Variants in STYXL1 observed in about 807,000 individuals in gnomAD.
The protein encoded by STYXL1 is serine/threonine/tyrosine-interacting-like protein 1.
Under a neutral mutation model 36.4 loss-of-function variants are expected in STYXL1, and 32 were observed. That is an observed-to-expected ratio of 0.88 (90% CI 0.66 to 1.18). The LOEUF (loss-of-function observed/expected upper bound fraction) is 1.18, where lower values mean the gene tolerates loss of function less well. Among genes scored for constraint, STYXL1 ranks in the 50% most tolerant of loss-of-function variants. The pLI is 0.00. For synonymous variants in STYXL1, 133 were observed against 144.1 expected, an observed-to-expected ratio of 0.92 and a Z score of 0.55; for missense variants, 354 against 394.1, an observed-to-expected ratio of 0.90 and a Z score of 0.86.
chr7:76,002,426 T>C, intron 7 of STYXL1, among the ~76,000 whole-genome samples: 1 of 152,150 alleles, frequency 6.6e-6, no homozygotes, highest in South Asian at 2.1e-4. Flanking sequence ...GACGCAGAGA[T>C]GACGATGGCC....
At chr7:76,027,588 G>A (rs1328523990) in intron 3 of STYXL1, among the ~76,000 whole-genome samples, 2 of 151,650 alleles carry the variant, frequency 1.3e-5, no homozygotes, top group African/African-American at 4.8e-5. Context: ...ACCCCTGCCC[G>A]GGTGACAGAG....
At chr7:76,038,648 G>A (rs772217653) in intron 1 of STYXL1, among the ~76,000 whole-genome samples, 1 of 151,676 alleles carries the variant, frequency 6.6e-6, no homozygotes, top group Non-Finnish European at 1.5e-5. Flanking sequence ...GGATGGTCTC[G>A]ATCTCCTGAC....
chr7:76,014,039 TGC>T, intron 4 of STYXL1, 152 bp from the exon 5 acceptor site: 1 of 726,726 alleles, frequency 1.4e-6, no homozygotes, highest in Non-Finnish European at 2.0e-6. Flanking sequence ...AGTGCAGTGG[TGC>T]GATCTCGGCT....
intron 7 of STYXL1, among the ~76,000 whole-genome samples, chr7:76,001,571 G>A (rs983546029): frequency 5.9e-5 from 9 of 152,030 alleles, no homozygotes; most frequent in African/African-American, 9.7e-5. Flanking sequence ...TCAGTTCACT[G>A]CAACCTCTGC....
At position 75,999,531 on chromosome 7, in the gene STYXL1, G is replaced by A. The variant is rs1554565654; in HGVS notation, c.810+1359C>T. On this transcript the variant is annotated intron_variant, in intron 8 of 8. Coordinates refer to ENST00000359697, the MANE Select transcript of STYXL1 (RefSeq NM_001317785.2). ...TGTGTATGTGTGTGTGTGTGTGTGT[G>A]TGTGTGTGTGTGTGTGTGTGTATAT... Among the ~76,000 whole-genome samples, 5 of 132,624 alleles carry A rather than the reference G, an allele frequency of 3.8e-5. 1 individual carries two copies. Among genetic ancestry groups the A allele is most frequent in the South Asian group, 5.0e-4 (2 of 3,990 alleles). The allele number at this position is 132,624 out of a possible 152,430, so 87.0% of individuals were successfully genotyped here. A position where few individuals can be genotyped will look rare whatever the true frequency, so the allele number is the denominator to read the frequency against.
intron 4 of STYXL1, among the ~76,000 whole-genome samples, chr7:76,016,469 G>A (rs146142609): frequency 4.7e-5 from 7 of 149,974 alleles, no homozygotes; most frequent in Admixed American, 3.3e-4. Context: ...ACATATATAC[G>A]CATATATATA....
intron 5 of STYXL1, among the ~76,000 whole-genome samples, chr7:76,011,337 T>C (rs974263613): frequency 2.0e-5 from 3 of 152,228 alleles, no homozygotes; most frequent in African/African-American, 7.2e-5. Flanking sequence ...AGACATCACG[T>C]CATTTCACCC....
intron 1 of STYXL1, among the ~76,000 whole-genome samples, chr7:76,036,058 TA>T (rs1271820718): frequency 5.3e-5 from 8 of 149,918 alleles, no homozygotes; most frequent in African/African-American, 1.9e-4. Context: ...TGAGCACAAG[TA>T]ACCATCCCAT....
chr7:76,042,389 G>GTTTTTT (rs1563528839), intron 1 of STYXL1, among the ~76,000 whole-genome samples: 5 of 22,246 alleles, frequency 2.2e-4, no homozygotes, highest in Non-Finnish European at 3.6e-4. Context: ...GCCCTTATGT[G>GTTTTTT]CTTTTTTTTT....
chr7:76,029,984 G>A (rs1459643424), intron 2 of STYXL1, among the ~76,000 whole-genome samples: 1 of 151,872 alleles, frequency 6.6e-6, no homozygotes, highest in African/African-American at 2.4e-5. Flanking sequence ...GTTGGGGGTT[G>A]CGGACTTCTT....
chr7:75,996,681 A>C lies in STYXL1; in HGVS notation c.811-82T>G, dbSNP rs1790175487. 22 of 1,413,244 alleles carry C rather than the reference A, an allele frequency of 1.6e-5. No homozygotes were observed. The South Asian group carries it at 2.4e-4, about 16-fold the overall frequency. The allele number at this position is 1,413,244 out of a possible 1,614,324, so 87.5% of individuals were successfully genotyped here. On this transcript the variant is annotated intron_variant, in intron 8 of 8. Coordinates refer to ENST00000359697, the MANE Select transcript of STYXL1 (RefSeq NM_001317785.2). Reference sequence around the variant, plus strand: ...TGGATCAGAGGCAGCTTTCAGAGACAGGAGGCACTTGCACAGTGCCAGCAA... The same window carrying C: ...TGGATCAGAGGCAGCTTTCAGAGACCGGAGGCACTTGCACAGTGCCAGCAA...
At chr7:76,046,339 T>TGTGTGCGCGC (rs1797056612) in intron 1 of STYXL1, among the ~76,000 whole-genome samples, 1 of 44,908 alleles carries the variant, frequency 2.2e-5, no homozygotes, top group Non-Finnish European at 4.7e-5. Context: ...TGTGTGTGTG[T>TGTGTGCGCGC]GCGCGCGCGC....
At chr7:76,031,651 G>A (rs1795346572) in intron 1 of STYXL1, among the ~76,000 whole-genome samples, 1 of 150,586 alleles carries the variant, frequency 6.6e-6, no homozygotes. Context: ...GGAGGCGGAG[G>A]TTGAAGTGAG....
chr7:76,006,321 T>C (rs1303945692), intron 5 of STYXL1, among the ~76,000 whole-genome samples: 3 of 152,052 alleles, frequency 2.0e-5, no homozygotes, highest in Admixed American at 6.6e-5. Context: ...GTAGTGATCC[T>C]CCTGCCTCAG....
intron 3 of STYXL1, among the ~76,000 whole-genome samples, chr7:76,026,192 CAAAAAAAAAAAAAAAAAAAAA>C (rs1159067824): frequency 0.031 from 582 of 18,618 alleles, 20 homozygotes; most frequent in Non-Finnish European, 0.045. Flanking sequence ...ACTCTGTCTC[CAAAAAAAAAAAAAAAAAAAAA>C]AAAAAAAAAA....
At chr7:76,044,514 G>T (rs1284134496) in intron 1 of STYXL1, 1 of 152,090 alleles carries the variant, frequency 6.6e-6, no homozygotes, top group African/African-American at 2.4e-5. Flanking sequence ...TTGGGAGGTA[G>T]CGAGTTCCTC....
chr7:76,009,157 C>G (rs1042160799), intron 5 of STYXL1, among the ~76,000 whole-genome samples: 1 of 152,110 alleles, frequency 6.6e-6, no homozygotes, highest in Non-Finnish European at 1.5e-5. Context: ...ACACACTGTA[C>G]TGTAGAATGT....
chr7:75,998,503 A>C (rs1790409913), intron 8 of STYXL1: 1 of 152,316 alleles, frequency 6.6e-6, no homozygotes, highest in Admixed American at 6.6e-5. Context: ...TTGCCATGTC[A>C]GCCAGGCTGG....
Position 75,996,566 on chromosome 7 carries a change from T to A in STYXL1, c.844A>T (p.Asn282Tyr). The A allele has an allele frequency of 6.2e-7, 1 of 1,614,254 alleles. No homozygotes were observed. Among genetic ancestry groups the A allele is most frequent in the South Asian group, 1.1e-5 (1 of 91,090 alleles). ...ACCAATCCCCGATTTGGACACATGT[T>A]GTTTTTGCACTTCTTGACATAGGCC... Reference protein sequence around the residue: ...SWAYVKKCKNNMCPNRGLVSQ... With the variant: ...SWAYVKKCKNYMCPNRGLVSQ... The change falls in exon 9 of 9, where the codon AAC (asparagine) becomes TAC (tyrosine). Residue 282 changes from asparagine to tyrosine, a missense_variant. Coordinates refer to ENST00000359697, the MANE Select transcript of STYXL1 (RefSeq NM_001317785.2).
Sources: allele counts gnomAD v4.1 joint callset (sites outside exome capture counted in the v4.1 genomes callset), GRCh38; gene constraint gnomAD v4.1.1; transcripts MANE v1.5; gene names NCBI Gene and HGNC (gene_info 2026-07-23, HGNC 2026-07-21).